TANGO6: variants seen among roughly 807,000 people sequenced by gnomAD.
TANGO6 encodes transport and Golgi organization protein 6 homolog.
Under a neutral mutation model 114.2 loss-of-function variants are expected in TANGO6, and 90 were observed. That is an observed-to-expected ratio of 0.79 (90% CI 0.66 to 0.94). The LOEUF (loss-of-function observed/expected upper bound fraction) is 0.94, where lower values mean the gene tolerates loss of function less well. Among genes scored for constraint, TANGO6 ranks in the 40% least tolerant of loss-of-function variants. The pLI is 0.00. For synonymous variants in TANGO6, 477 were observed against 509.8 expected, an observed-to-expected ratio of 0.94 and a Z score of 0.87; for missense variants, 1,274 against 1,315.3, an observed-to-expected ratio of 0.97 and a Z score of 0.49.
At chr16:68,862,186 T>C (rs963781598) in intron 2 of TANGO6, among the ~76,000 whole-genome samples, 1 of 151,804 alleles carries the variant, frequency 6.6e-6, no homozygotes, top group African/African-American at 2.4e-5. Flanking sequence ...TACAGGCATG[T>C]GCCACCATAT....
chr16:69,062,766 C>T (rs999035888), intron 17 of TANGO6, among the ~76,000 whole-genome samples: 2 of 146,226 alleles, frequency 1.4e-5, no homozygotes, highest in Non-Finnish European at 3.0e-5. Flanking sequence ...AGCCACCGCA[C>T]CCGGCCCATA....
chr16:69,003,055 A>G (rs73562674), intron 15 of TANGO6, among the ~76,000 whole-genome samples: 6,186 of 152,102 alleles, frequency 0.041, 201 homozygotes, highest in African/African-American at 0.086. Flanking sequence ...AAAAAAAAGA[A>G]AGTTTTTAAA....
intron 14 of TANGO6, among the ~76,000 whole-genome samples, chr16:68,962,633 T>C (rs1243444779): frequency 6.6e-6 from 1 of 152,126 alleles, no homozygotes; most frequent in Non-Finnish European, 1.5e-5. Context: ...TGGTAGTGCA[T>C]GCCTATAATC....
chr16:69,063,430 C>T (rs1009487901), intron 17 of TANGO6, among the ~76,000 whole-genome samples: 6 of 151,694 alleles, frequency 4.0e-5, no homozygotes, highest in Non-Finnish European at 7.4e-5. Context: ...GAGGCTGAGG[C>T]AGGAGAATGG....
chr16:68,962,635 C>A (rs892108422), intron 14 of TANGO6, among the ~76,000 whole-genome samples: 2 of 152,122 alleles, frequency 1.3e-5, no homozygotes, highest in African/African-American at 4.8e-5. Context: ...GTAGTGCATG[C>A]CTATAATCCC....
chr16:69,052,101 C>A (rs1332478039), intron 17 of TANGO6, among the ~76,000 whole-genome samples: 2 of 151,038 alleles, frequency 1.3e-5, no homozygotes, highest in East Asian at 3.9e-4. Context: ...TGTGTACCAC[C>A]ACACCTGGCT....
At chr16:68,964,488 C>A (rs1479773074) in intron 14 of TANGO6, among the ~76,000 whole-genome samples, 1 of 151,558 alleles carries the variant, frequency 6.6e-6, no homozygotes, top group Non-Finnish European at 1.5e-5. Context: ...TCAATAGAGA[C>A]GATTTTGCAT....
chr16:68,847,718 G>A (rs1961835631), intron 1 of TANGO6, among the ~76,000 whole-genome samples: 1 of 152,184 alleles, frequency 6.6e-6, no homozygotes, highest in Admixed American at 6.5e-5. Context: ...GAATATTGCA[G>A]GCTGAGCGCG....
intron 7 of TANGO6, among the ~76,000 whole-genome samples, chr16:68,891,872 A>G: frequency 7.4e-6 from 1 of 134,242 alleles, no homozygotes. Flanking sequence ...GGAGGGAGGG[A>G]AAGGAAAGAG....
At chr16:68,899,215 G>A (rs953369903) in intron 7 of TANGO6, among the ~76,000 whole-genome samples, 31 of 152,134 alleles carry the variant, frequency 2.0e-4, no homozygotes, top group Non-Finnish European at 2.9e-4. Flanking sequence ...TGAGGCTGCA[G>A]TGAGCTGTGA....
intron 16 of TANGO6, among the ~76,000 whole-genome samples, chr16:69,023,919 A>ATTT (rs1959455676): frequency 6.6e-6 from 1 of 151,886 alleles, no homozygotes; most frequent in Non-Finnish European, 1.5e-5. Context: ...TATTATTATT[A>ATTT]TTATTTGAAA....
At chr16:68,907,318 T>G in intron 9 of TANGO6, 125 bp from the exon 10 acceptor site, 1 of 1,051,370 alleles carries the variant, frequency 9.5e-7, no homozygotes, top group South Asian at 2.6e-5. Flanking sequence ...TTAAATAAAT[T>G]TGGGGGATCT....
Position 69,074,798 on chromosome 16 carries a change from CTGTGTGTGTGTGTG to C in TANGO6, c.3109-8659_3109-8646del, listed in dbSNP as rs60702668. Reference sequence around the variant, plus strand: ...AATGGAGTCACTCTGGTTCGAATGCCTGTGTGTGTGTGTGTGTGTGTGTGTGTGTGTGTGTGTGT... The same window carrying C: ...AATGGAGTCACTCTGGTTCGAATGCCTGTGTGTGTGTGTGTGTGTGTGTGT... On this transcript the variant is annotated intron_variant, in intron 17 of 17. Transcript: ENST00000261778. 2.2e-3 allele frequency among the ~76,000 whole-genome samples: 303 copies of C among 135,250 alleles called. 1 individual carries two copies. The highest frequency in any genetic ancestry group is 7.6e-3 in the African/African-American group (275 of 36,272). The allele number at this position is 135,250 out of a possible 152,430, so 88.7% of individuals were successfully genotyped here.
rs1225561448 is a variant in TANGO6 at position 69,031,664 on chromosome 16, C to CT, written c.2995-8633dup. On this transcript the variant is annotated intron_variant, in intron 16 of 17. Coordinates refer to ENST00000261778, the MANE Select transcript of TANGO6 (RefSeq NM_024562.2). ...CGGGAAAAGCTTTCCTGACTAGTGACTTTTTTTTTTTGATACAGAGTTTTG... is the reference window on the plus strand; with the variant it reads ...CGGGAAAAGCTTTCCTGACTAGTGACTTTTTTTTTTTTGATACAGAGTTTTG... Among the ~76,000 whole-genome samples the CT allele has an allele frequency of 2.6e-4, 38 of 146,434 alleles. 1 individual carries two copies. Among genetic ancestry groups the CT allele is most frequent in the South Asian group, 1.1e-3 (5 of 4,592 alleles).
At position 68,953,928 on chromosome 16, in the gene TANGO6, T is replaced by C. The variant is rs568001558; in HGVS notation, c.2702-20100T>C. ...CCCATCAGTGAGGATCTGTGGGTAG[T>C]TAGGAATTAACCTAGTAAAGAAGGG... On this transcript the variant is annotated intron_variant, in intron 14 of 17. Transcript: ENST00000261778. 2.0e-5 allele frequency among the ~76,000 whole-genome samples: 3 copies of C among 152,122 alleles called. No homozygotes were observed. In the East Asian group the frequency reaches 5.8e-4, roughly 29 times the overall value.
rs755316408 is a variant in TANGO6, at chr16:68,902,391, C to T, written c.1554C>T (p.Ala518=). 3 of 1,613,644 alleles carry T rather than the reference C, an allele frequency of 1.9e-6. No homozygotes were observed. The highest frequency in any genetic ancestry group is 2.5e-6 in the Non-Finnish European group (3 of 1,179,748). The change falls in exon 9 of 18, where the codon GCC becomes GCT. Residue 518 remains alanine (A), a synonymous_variant. Transcript: ENST00000261778. ...LGKLERKKAI[A]SLKGFAGLDK... ...AGCTGGAAAGGAAGAAGGCAATTGC[C>T]AGCCTGAAAGGATTTGCAGGGTTGG...
chr16:68,906,278 C>T (rs1444945597), intron 9 of TANGO6, among the ~76,000 whole-genome samples: 1 of 152,178 alleles, frequency 6.6e-6, no homozygotes, highest in Non-Finnish European at 1.5e-5. Flanking sequence ...TCAACCTACT[C>T]ATTTTTCTGA....
intron 17 of TANGO6, among the ~76,000 whole-genome samples, chr16:69,059,078 CTT>C (rs34994371): frequency 1.3e-4 from 17 of 130,796 alleles, no homozygotes; most frequent in Admixed American, 3.8e-4. Context: ...CAGCTAATTT[CTT>C]TTTTTTTTTT....
chr16:68,848,938 C>T (rs1961858751), intron 1 of TANGO6, among the ~76,000 whole-genome samples: 1 of 151,936 alleles, frequency 6.6e-6, no homozygotes, highest in South Asian at 2.1e-4. Context: ...AGAAGATATC[C>T]CAGGCTCATC....
Sources: gnomAD v4.1 joint callset for allele counts (sites outside exome capture counted in the v4.1 genomes callset) on GRCh38, gnomAD v4.1.1 for gene constraint, MANE v1.5 for transcripts, NCBI Gene and HGNC (gene_info 2026-07-23, HGNC 2026-07-21) for gene names.